PRDM5: variants seen among roughly 807,000 people sequenced by gnomAD.
The protein encoded by PRDM5 is PR domain zinc finger protein 5.
PRDM5 carries 56 observed loss-of-function variants against 81.2 expected under a neutral mutation model. That is an observed-to-expected ratio of 0.69 (90% confidence interval 0.56 to 0.86). The LOEUF (loss-of-function observed/expected upper bound fraction) is 0.86. Ranked by LOEUF, PRDM5 falls within the 40% of genes least tolerant of loss-of-function variation. PRDM5 has a pLI of 0.00. For missense variants in PRDM5, 697 were observed against 770.1 expected (o/e 0.91, Z 1.12); for synonymous variants, 267 against 256.4 (o/e 1.04, Z -0.39).
At chr4:120,770,913 T>C (rs1747185647) in intron 13 of PRDM5, among the ~76,000 whole-genome samples, 1 of 132,910 alleles carries the variant, frequency 7.5e-6, no homozygotes, top group Non-Finnish European at 1.7e-5. Flanking sequence ...AACATATTTA[T>C]AACATATAGA....
At chr4:120,702,949 C>T (rs567850279) in intron 15 of PRDM5, among the ~76,000 whole-genome samples, 5 of 152,262 alleles carry the variant, frequency 3.3e-5, no homozygotes, top group African/African-American at 1.2e-4. Context: ...TTTTACTTCA[C>T]CCTGCATCCC....
At position 120,724,077 on chromosome 4, in the gene PRDM5, C is replaced by A. The variant is rs550833092; in HGVS notation, c.1624-13664G>T. On this transcript the variant is annotated intron_variant, in intron 14 of 15. Coordinates refer to ENST00000264808, the MANE Select transcript of PRDM5 (RefSeq NM_018699.4). ...TATTAAATACTTCCTCTAAAAAGGT[C>A]TTTTCCTATATTTGAACCAGTACTG... Among the ~76,000 whole-genome samples the A allele has an allele frequency of 1.9e-4, 29 of 151,976 alleles. No homozygotes were observed. The South Asian group carries it at 5.8e-3, about 30-fold the overall frequency.
chr4:120,762,939 AAAGCTTAACAGAGTTTACAGTTG>A (rs1745843525), intron 13 of PRDM5, among the ~76,000 whole-genome samples: 3 of 152,198 alleles, frequency 2.0e-5, no homozygotes, highest in Non-Finnish European at 4.4e-5. Flanking sequence ...TCTACTTTTA[AAAGCTTAACAGAGTTTACAGTTG>A]TAAGAAAGTG....
At chr4:120,793,031 T>C (rs1432322196) in intron 10 of PRDM5, among the ~76,000 whole-genome samples, 1 of 152,148 alleles carries the variant, frequency 6.6e-6, no homozygotes, top group African/African-American at 2.4e-5. Context: ...CCAACCCTGC[T>C]ACAGCAGGAT....
chr4:120,701,270 A>G (rs2088270), intron 15 of PRDM5, among the ~76,000 whole-genome samples: 6,999 of 152,262 alleles, frequency 0.046, 298 homozygotes, highest in African/African-American at 0.12. Flanking sequence ...CAGTCTGGAG[A>G]TTTCTAAAAG....
chr4:120,741,509 G>C (rs1741949345), intron 14 of PRDM5, among the ~76,000 whole-genome samples: 1 of 151,558 alleles, frequency 6.6e-6, no homozygotes. Context: ...ATTTCCATCT[G>C]AGGTACCGGG....
intron 3 of PRDM5, among the ~76,000 whole-genome samples, chr4:120,822,015 A>G (rs1436948088): frequency 6.6e-6 from 1 of 152,214 alleles, no homozygotes; most frequent in Non-Finnish European, 1.5e-5. Context: ...GAAAACAGAA[A>G]TCAGACATAG....
intron 2 of PRDM5, among the ~76,000 whole-genome samples, chr4:120,906,649 C>T (rs1365072248): frequency 6.6e-6 from 1 of 152,112 alleles, no homozygotes; most frequent in African/African-American, 2.4e-5. Context: ...ATTCTCATAA[C>T]GTGCAGACAT....
intron 15 of PRDM5, among the ~76,000 whole-genome samples, chr4:120,703,173 T>C (rs895576130): frequency 2.0e-5 from 3 of 152,148 alleles, no homozygotes; most frequent in African/African-American, 7.2e-5. Context: ...TTCATGTATT[T>C]TGTTTTTTGT....
At chr4:120,853,680 G>T in intron 2 of PRDM5, 140 bp from the exon 3 acceptor site, 2 of 1,096,404 alleles carry the variant, frequency 1.8e-6, no homozygotes, top group Non-Finnish European at 2.8e-6. Context: ...GGACTAACAT[G>T]CATTCTTCTC....
intron 7 of PRDM5, 117 bp downstream of exon 7, chr4:120,816,336 C>T (rs1462874261): frequency 1.9e-6 from 3 of 1,545,900 alleles, no homozygotes; most frequent in Non-Finnish European, 2.7e-6. Flanking sequence ...CGCTCCACAT[C>T]TGTGTGAAAC....
chr4:120,816,209 G>T, intron 7 of PRDM5: 1 of 577,562 alleles, frequency 1.7e-6, no homozygotes, highest in Non-Finnish European at 3.0e-6. Context: ...AACATAACTA[G>T]ACTTTAACTA....
chr4:120,846,599 G>T (rs927723275), intron 3 of PRDM5, among the ~76,000 whole-genome samples: 5 of 152,158 alleles, frequency 3.3e-5, no homozygotes, highest in African/African-American at 1.2e-4. Flanking sequence ...TGAAACCAAA[G>T]ATGTTATGGT....
chr4:120,759,685 C>T (rs1745315513), intron 13 of PRDM5, among the ~76,000 whole-genome samples: 1 of 152,174 alleles, frequency 6.6e-6, no homozygotes, highest in African/African-American at 2.4e-5. Flanking sequence ...ACTCTAAGAA[C>T]ACAGGTCACA....
At chr4:120,777,353 C>A in intron 12 of PRDM5, 72 bp from the exon 13 acceptor site, 1 of 1,603,422 alleles carries the variant, frequency 6.2e-7, no homozygotes, top group Non-Finnish European at 8.5e-7. Context: ...ATGCCTCTGA[C>A]AATAGTAAAT....
rs151111477 is a variant in PRDM5 at position 120,867,284 on chromosome 4, GAAT to G, written c.178-13747_178-13745del. Among the ~76,000 whole-genome samples the G allele has an allele frequency of 8.1e-3, 1,232 of 152,088 alleles. 16 individuals are homozygous for G. The highest frequency in any genetic ancestry group is 0.028 in the African/African-American group (1,167 of 41,492). On this transcript the variant is annotated intron_variant, in intron 2 of 15. Transcript: ENST00000264808. ...ATAAGAAAAAAAAATGTTGTATAGG[GAAT>G]ATTAAATGATCTTCATAAATTTTAA... is the stretch of plus-strand genomic sequence containing the variant.
chr4:120,719,351 C>T lies in PRDM5; in HGVS notation c.1624-8938G>A, dbSNP rs183355890. Among the ~76,000 whole-genome samples, 27 of 152,244 alleles carry T rather than the reference C, an allele frequency of 1.8e-4. No individual in the cohort carries two copies. The South Asian group carries it at 1.9e-3, about 11-fold the overall frequency. ...ATGCTTTTATAAAATATATTAAAAACGAATTACTAGAAAAATTATCATGTA... is the reference window on the plus strand; with the variant it reads ...ATGCTTTTATAAAATATATTAAAAATGAATTACTAGAAAAATTATCATGTA... On this transcript the variant is annotated intron_variant, in intron 14 of 15. Transcript: ENST00000264808.
chr4:120,813,951 G>T (rs1414858928), intron 7 of PRDM5, among the ~76,000 whole-genome samples: 1 of 152,140 alleles, frequency 6.6e-6, no homozygotes, highest in Non-Finnish European at 1.5e-5. Flanking sequence ...CCACAACTCT[G>T]CCTGCAGGTA....
At chr4:120,886,184 C>A (rs1305854926) in intron 2 of PRDM5, among the ~76,000 whole-genome samples, 1 of 152,214 alleles carries the variant, frequency 6.6e-6, no homozygotes, top group South Asian at 2.1e-4. Flanking sequence ...CCAAGGTCTA[C>A]ACTAAGTGGT....
Sources: gnomAD v4.1 joint callset for allele counts (sites outside exome capture counted in the v4.1 genomes callset) on GRCh38, gnomAD v4.1.1 for gene constraint, MANE v1.5 for transcripts, NCBI Gene and HGNC (gene_info 2026-07-23, HGNC 2026-07-21) for gene names.